The following SUMF1 variants were observed in gnomAD, a reference collection of about 807,000 sequenced individuals.
SUMF1 encodes formylglycine-generating enzyme.
In SUMF1, 48 loss-of-function variants were observed where a neutral mutation model predicts 47.6. The ratio of observed to expected loss-of-function variants is 1.01; its 90% CI spans 0.80 to 1.28. The LOEUF (loss-of-function observed/expected upper bound fraction) is 1.28. Among genes scored for constraint, SUMF1 ranks in the 50% most tolerant of loss-of-function variants. The pLI is 0.00. For synonymous variants in SUMF1, 230 were observed against 192.1 expected (o/e 1.20, Z -1.63); for missense variants, 571 against 485.4 (o/e 1.18, Z -1.66).
intron 8 of SUMF1, among the ~76,000 whole-genome samples, chr3:4,113,652 G>A (rs35135183): frequency 0.32 from 48,119 of 151,876 alleles, 8,466 homozygotes; most frequent in Non-Finnish European, 0.4. Flanking sequence ...AAAAGAGGTG[G>A]TCAATACTAA....
At chr3:4,128,366 G>C (rs370508313) in intron 8 of SUMF1, among the ~76,000 whole-genome samples, 1 of 152,156 alleles carries the variant, frequency 6.6e-6, no homozygotes, top group African/African-American at 2.4e-5. Context: ...GGGACACCGA[G>C]TTTGTAAACT....
chr3:4,341,472 AT>A (rs1009505628), intron 8 of SUMF1, among the ~76,000 whole-genome samples: 18 of 151,024 alleles, frequency 1.2e-4, no homozygotes, highest in Non-Finnish European at 1.8e-4. Context: ...GCTTTTCTTT[AT>A]TTTTTTTTAA....
chr3:4,160,782 C>A (rs976383252), intron 8 of SUMF1, among the ~76,000 whole-genome samples: 2 of 152,042 alleles, frequency 1.3e-5, no homozygotes, highest in African/African-American at 2.4e-5. Flanking sequence ...ACTTCTCTGT[C>A]TGAAAGGTCA....
rs1214273444 is a variant in SUMF1 at position 4,365,356 on chromosome 3, T to C, written c.1015-3102A>G. On this transcript the variant is annotated intron_variant, in intron 8 of 8. Coordinates refer to ENST00000272902, the MANE Select transcript of SUMF1 (RefSeq NM_182760.4). ...TTATTATTGTGTGGGAGTCTAAGTC[T>C]CTTTGTAGGTCACTCAGGATTTGCT... Among the ~76,000 whole-genome samples, 2 of 122,496 alleles carry C rather than the reference T, an allele frequency of 1.6e-5. 1 individual carries two copies. The highest frequency in any genetic ancestry group is 3.8e-5 in the Non-Finnish European group (2 of 52,160). The allele number at this position is 122,496 out of a possible 152,430, so 80.4% of individuals were successfully genotyped here.
At chr3:4,110,374 G>A (rs1386828993) in intron 8 of SUMF1, among the ~76,000 whole-genome samples, 2 of 152,080 alleles carry the variant, frequency 1.3e-5, no homozygotes, top group African/African-American at 4.8e-5. Flanking sequence ...GGGGGTCAGG[G>A]ACCCACTTGA....
At chr3:4,410,057 C>A (rs1701493300) in intron 7 of SUMF1, among the ~76,000 whole-genome samples, 1 of 152,154 alleles carries the variant, frequency 6.6e-6, no homozygotes, top group South Asian at 2.1e-4. Context: ...AATATACATT[C>A]TTGGAACTGA....
At chr3:4,167,114 A>G (rs2629241) in intron 8 of SUMF1, among the ~76,000 whole-genome samples, 51,832 of 151,926 alleles carry the variant, frequency 0.34, 9,009 homozygotes, top group East Asian at 0.4. Context: ...TGGGTTCATG[A>G]TCTCACTAAC....
At chr3:4,218,861 T>G (rs1696000165) in intron 8 of SUMF1, among the ~76,000 whole-genome samples, 1 of 152,154 alleles carries the variant, frequency 6.6e-6, no homozygotes. Context: ...ATTCTCCTCA[T>G]TAGCCTTTTG....
chr3:4,081,877 A>G (rs1692567995), intron 8 of SUMF1, among the ~76,000 whole-genome samples: 1 of 152,178 alleles, frequency 6.6e-6, no homozygotes, highest in Admixed American at 6.5e-5. Flanking sequence ...TACCTGGTCC[A>G]TCATACTTAA....
At chr3:4,085,381 G>A (rs1559457930) in intron 8 of SUMF1, among the ~76,000 whole-genome samples, 1 of 152,034 alleles carries the variant, frequency 6.6e-6, no homozygotes, top group Non-Finnish European at 1.5e-5. Context: ...GGGGACCAGA[G>A]CTTAGACAAT....
intron 8 of SUMF1, among the ~76,000 whole-genome samples, chr3:4,255,740 G>C (rs972029247): frequency 7.6e-6 from 1 of 131,248 alleles, no homozygotes; most frequent in East Asian, 2.2e-4. Flanking sequence ...CCCAGGAATT[G>C]AACTCAGCTC....
intron 1 of SUMF1, among the ~76,000 whole-genome samples, chr3:4,459,597 G>C (rs1203417625): frequency 6.6e-6 from 1 of 152,044 alleles, no homozygotes; most frequent in Admixed American, 6.6e-5. Flanking sequence ...TGATAAATTA[G>C]TAATAAATGT....
intron 3 of SUMF1, among the ~76,000 whole-genome samples, chr3:4,431,678 G>A (rs567811776): frequency 3.0e-4 from 46 of 152,282 alleles, no homozygotes; most frequent in African/African-American, 8.9e-4. Context: ...GCCCTTCACC[G>A]GCACAGAGCA....
chr3:4,457,710 C>A (rs2079701044), intron 1 of SUMF1, among the ~76,000 whole-genome samples: 1 of 152,000 alleles, frequency 6.6e-6, no homozygotes, highest in Non-Finnish European at 1.5e-5. Flanking sequence ...GAAATTAGAC[C>A]CTTATCTCAC....
chr3:4,427,143 A>G (rs1363724770), intron 3 of SUMF1, among the ~76,000 whole-genome samples: 1 of 152,262 alleles, frequency 6.6e-6, no homozygotes, highest in East Asian at 1.9e-4. Flanking sequence ...TAAAATCAGC[A>G]CAGGAAAAAG....
chr3:4,419,636 AATCCTAT>A, intron 4 of SUMF1, among the ~76,000 whole-genome samples: 1 of 152,172 alleles, frequency 6.6e-6, no homozygotes. Flanking sequence ...AGATCATGTG[AATCCTAT>A]ACCCAAGGCC....
At chr3:4,129,749 G>A (rs901240107) in intron 8 of SUMF1, among the ~76,000 whole-genome samples, 27 of 152,080 alleles carry the variant, frequency 1.8e-4, no homozygotes, top group Non-Finnish European at 3.8e-4. Context: ...TGATTCCAGG[G>A]GAAACAAAAC....
downstream of SUMF1, among the ~76,000 whole-genome samples, chr3:4,360,918 T>C (rs17040492): frequency 6.6e-6 from 1 of 152,172 alleles, no homozygotes; most frequent in Non-Finnish European, 1.5e-5. Flanking sequence ...TGCCTTTGAC[T>C]TGGCATTATC....
At chr3:4,069,187 G>A (rs1279492917) in intron 8 of SUMF1, among the ~76,000 whole-genome samples, 3 of 152,124 alleles carry the variant, frequency 2.0e-5, no homozygotes, top group East Asian at 1.9e-4. Flanking sequence ...GTCACAGAAG[G>A]CTGTTTATGG....
Sources: allele counts gnomAD v4.1 joint callset (sites outside exome capture counted in the v4.1 genomes callset), GRCh38; gene constraint gnomAD v4.1.1; transcripts MANE v1.5; gene names NCBI Gene and HGNC (gene_info 2026-07-23, HGNC 2026-07-21).